UGT2A2: variants seen among roughly 807,000 people sequenced by gnomAD.
UGT2A2 encodes UDP-glucuronosyltransferase 2A2.
UGT2A2 carries 60 observed loss-of-function variants against 50.7 expected under a neutral mutation model. That is an observed-to-expected ratio of 1.18 (90% CI 0.96 to 1.47). The LOEUF (loss-of-function observed/expected upper bound fraction) is 1.47. Ranked by LOEUF, UGT2A2 falls within the 40% of genes most tolerant of loss-of-function variation. The pLI is 0.00. For synonymous variants in UGT2A2, 242 were observed against 214.6 expected, an observed-to-expected ratio of 1.13 and a Z score of -1.11; for missense variants, 762 against 634.0, an observed-to-expected ratio of 1.20 and a Z score of -2.17.
rs774661303 is a variant in UGT2A2 at position 69,639,530 on chromosome 4, T to A, written c.111A>T (p.Thr37=). 6.2e-7 allele frequency: 1 copy of A among 1,613,188 alleles called. No individual in the cohort carries two copies. Among genetic ancestry groups the A allele is most frequent in the Non-Finnish European group, 8.5e-7 (1 of 1,179,554 alleles). Residue 37 remains threonine (T), a synonymous_variant, in exon 1 of 6, where the codon ACA becomes ACT. Coordinates refer to ENST00000604629, the MANE Select transcript of UGT2A2 (RefSeq NM_001105677.2). ...TAATATTTAACCAATGGCTACCATC[T>A]GTAGGCCAAATTAACACATTCCCAC... ...VLSGNVLIWP[T]DGSHWLNIKI... is the part of the protein sequence containing the mutation.
At position 69,611,979 on chromosome 4, in the gene UGT2A2, G is replaced by C. The variant is rs1415259131; in HGVS notation, c.743-12585C>G. 2.0e-5 allele frequency among the ~76,000 whole-genome samples: 3 copies of C among 151,974 alleles called. No homozygotes were observed. In the East Asian group the frequency reaches 5.8e-4, roughly 30 times the overall value. On this transcript the variant is annotated intron_variant, in intron 1 of 5. Coordinates refer to ENST00000604629, the MANE Select transcript of UGT2A2 (RefSeq NM_001105677.2). ...CAAGAAAAATTTCCTCTGTTGACTT[G>C]TCCCTGTGTGGAAGAAAAATATATT...
rs1400175421 is a variant in UGT2A2 at position 69,639,341 on chromosome 4, T to C, written c.300A>G (p.Ile100Met). 1 of 1,613,746 alleles carries C rather than the reference T, an allele frequency of 6.2e-7. No homozygotes were observed. The highest frequency in any genetic ancestry group is 1.7e-5 in the Admixed American group (1 of 59,988). ...SNIDSLIEHMIMLWIDHRPTP... is the reference protein window; with the variant it reads ...SNIDSLIEHMMMLWIDHRPTP... Reference sequence around the variant, plus strand: ...TTGGTCTATGGTCAATCCACAGCATTATCATATGCTCAATTAAGGAATCTA... The same window carrying C: ...TTGGTCTATGGTCAATCCACAGCATCATCATATGCTCAATTAAGGAATCTA... Residue 100 changes from isoleucine (I) to methionine (M), a missense_variant, in exon 1 of 6, where the codon ATA becomes ATG. Ile to Met is a conservative substitution (Grantham distance 10). Transcript: ENST00000604629.
intron 1 of UGT2A2, among the ~76,000 whole-genome samples, chr4:69,612,340 C>T (rs1312829848): frequency 1.3e-5 from 2 of 151,988 alleles, no homozygotes. Context: ...AAGTAATTTA[C>T]ACATTCAATG....
intron 1 of UGT2A2, among the ~76,000 whole-genome samples, chr4:69,601,746 A>AGCTGGTGCTAACAACCAAAAAAGAGCCCG (rs376517060): frequency 7.2e-4 from 101 of 139,718 alleles, no homozygotes; most frequent in Middle Eastern, 3.8e-3. Flanking sequence ...GCTGGTATCC[A>AGCTGGTGCTAACAACCAAAAAAGAGCCCG]CTGATGGGAG....
rs528609591 is a variant in UGT2A2 at position 69,606,592 on chromosome 4, G to A, written c.743-7198C>T. On this transcript the variant is annotated intron_variant, in intron 1 of 5. Transcript: ENST00000604629. ...GGCCAGTGCAATCAGGCAGGAGAAG[G>A]AAATAAAGGGTATTCAATTAGGAAA... 5.3e-4 allele frequency among the ~76,000 whole-genome samples: 72 copies of A among 136,348 alleles called. 17 individuals carry two copies. The highest frequency in any genetic ancestry group is 2.0e-3 in the African/African-American group (68 of 33,644). The allele number at this position is 136,348 out of a possible 152,430, so 89.4% of individuals were successfully genotyped here.
intron 1 of UGT2A2, among the ~76,000 whole-genome samples, chr4:69,615,548 AG>A (rs1720329431): frequency 6.6e-6 from 1 of 152,126 alleles, no homozygotes. Context: ...GTAATCAAAA[AG>A]AAATGGATAA....
chr4:69,602,462 TTTATCTA>T (rs79372885), intron 1 of UGT2A2, among the ~76,000 whole-genome samples: 18,924 of 120,748 alleles, frequency 0.16, 4,300 homozygotes, highest in Non-Finnish European at 0.18. Flanking sequence ...GATTTAGGAG[TTTATCTA>T]TCTATCTATC....
In UGT2A2 at chr4:69,601,995, A is replaced by G. The variant is rs560123921; in HGVS notation, c.743-2601T>C. 2.5e-4 allele frequency among the ~76,000 whole-genome samples: 35 copies of G among 137,454 alleles called. 6 individuals carry two copies. Among genetic ancestry groups the G allele is most frequent in the South Asian group, 4.8e-4 (2 of 4,210 alleles). 90.2% of individuals were successfully genotyped at this position (137,454 alleles called of 152,430 possible). ...ATAATTAATATAATCAAGAAAAAGTATATTATTGAAATAGAAATCAAATTA... is the reference window on the plus strand; with the variant it reads ...ATAATTAATATAATCAAGAAAAAGTGTATTATTGAAATAGAAATCAAATTA... On this transcript the variant is annotated intron_variant, in intron 1 of 5. Coordinates refer to ENST00000604629, the MANE Select transcript of UGT2A2 (RefSeq NM_001105677.2).
At chr4:69,590,720 C>G (rs188490798) in intron 5 of UGT2A2, among the ~76,000 whole-genome samples, 1 of 151,492 alleles carries the variant, frequency 6.6e-6, no homozygotes, top group East Asian at 1.9e-4. Flanking sequence ...ATGGATCATC[C>G]GAATATACTT....
Position 69,594,510 on chromosome 4 carries a change from A to G in UGT2A2, c.1298T>C (p.Leu433Pro). The G allele has an allele frequency of 1.2e-6, 2 of 1,614,186 alleles. No individual in the cohort carries two copies. The highest frequency in any genetic ancestry group is 2.2e-5 in the South Asian group (2 of 91,088). ...ATTAATGACTGTTCTCAAAGCGCTAAGCAAATCCACACTTGTCATTGTGTT... is the reference window on the plus strand; with the variant it reads ...ATTAATGACTGTTCTCAAAGCGCTAGGCAAATCCACACTTGTCATTGTGTT... ...NLNTMTSVDL[L>P]SALRTVINEP... The change falls in exon 5 of 6, where the codon CTT becomes CCT. Residue 433 changes from leucine (L) to proline (P), a missense_variant. Transcript: ENST00000604629.
chr4:69,594,801 G>T, intron 4 of UGT2A2, 105 bp from the exon 5 acceptor site: 1 of 1,350,432 alleles, frequency 7.4e-7, no homozygotes, highest in Non-Finnish European at 1.0e-6. Context: ...TCTAAAGAAG[G>T]ATACGTTTTC....
chr4:69,613,346 C>A (rs772431111), intron 1 of UGT2A2, among the ~76,000 whole-genome samples: 1 of 151,930 alleles, frequency 6.6e-6, no homozygotes, highest in Non-Finnish European at 1.5e-5. Context: ...GATAAAAATT[C>A]TCCTATCCAA....
At chr4:69,606,103 T>A (rs1047407077) in intron 1 of UGT2A2, among the ~76,000 whole-genome samples, 1 of 123,154 alleles carries the variant, frequency 8.1e-6, no homozygotes, top group Non-Finnish European at 1.7e-5. Flanking sequence ...TATCAAAGCC[T>A]GGCAGAGACA....
intron 1 of UGT2A2, chr4:69,635,740 T>C: frequency 8.4e-6 from 2 of 238,520 alleles, no homozygotes; most frequent in South Asian, 7.4e-5. Flanking sequence ...GGCGGGAGAA[T>C]CGCTTGAACC....
intron 1 of UGT2A2, among the ~76,000 whole-genome samples, chr4:69,623,446 G>A (rs1720868683): frequency 6.6e-6 from 1 of 151,654 alleles, no homozygotes; most frequent in South Asian, 2.1e-4. Context: ...AAGCCAATAT[G>A]AATGCATTAC....
At chr4:69,631,618 A>G (rs1721390917) in intron 1 of UGT2A2, among the ~76,000 whole-genome samples, 1 of 152,192 alleles carries the variant, frequency 6.6e-6, no homozygotes, top group Admixed American at 6.5e-5. Context: ...ATGTAGTCAG[A>G]TATTTGTGTA....
chr4:69,612,652 G>A (rs1720132712), intron 1 of UGT2A2, among the ~76,000 whole-genome samples: 1 of 151,928 alleles, frequency 6.6e-6, no homozygotes, highest in Admixed American at 6.6e-5. Flanking sequence ...TCAATAAATG[G>A]TGCTGGGATA....
intron 2 of UGT2A2, 79 bp from the exon 3 acceptor site, chr4:69,596,460 T>G: frequency 7.2e-7 from 1 of 1,391,614 alleles, no homozygotes; most frequent in Admixed American, 2.7e-5. Context: ...TTTAAGTAGG[T>G]AAAATTAAGA....
chr4:69,588,480 G>A lies in UGT2A2; in HGVS notation c.*892C>T, dbSNP rs1167630746. The stretch of plus-strand genomic sequence containing the variant: ...AATTAAACTTTTGATTACAAATAGT[G>A]ATTATATATTATGAACATTAGTGAT... On this transcript the variant is annotated 3_prime_UTR_variant, in exon 6 of 6. Transcript: ENST00000604629. The A allele has an allele frequency of 6.6e-6, 1 of 151,870 alleles. No homozygotes were observed. The highest frequency in any genetic ancestry group is 1.5e-5 in the Non-Finnish European group (1 of 67,942). The allele number at this position is 151,870 out of a possible 1,614,324, so 9.4% of individuals were successfully genotyped here. A position where few individuals can be genotyped will look rare whatever the true frequency, so the allele number is the denominator to read the frequency against.
Sources: gnomAD v4.1 joint callset for allele counts (sites outside exome capture counted in the v4.1 genomes callset) on GRCh38, gnomAD v4.1.1 for gene constraint, MANE v1.5 for transcripts, NCBI Gene and HGNC (gene_info 2026-07-23, HGNC 2026-07-21) for gene names.